SPAG16: variants seen among roughly 807,000 people sequenced by gnomAD.
SPAG16 encodes sperm associated antigen 16, also known as sperm-associated antigen 16 protein.
Under a neutral mutation model 80.4 loss-of-function variants are expected in SPAG16, and 86 were observed. That is an observed-to-expected ratio of 1.07 (90% confidence interval 0.90 to 1.28). SPAG16 has a LOEUF of 1.28. Ranked by LOEUF, SPAG16 falls within the 50% of genes most tolerant of loss-of-function variation. The pLI, the probability that SPAG16 is intolerant of heterozygous loss-of-function variation, is 0.00. For missense variants in SPAG16, 870 were observed against 765.3 expected (o/e 1.14, Z -1.61); for synonymous variants, 294 against 265.9 (o/e 1.11, Z -1.03).
chr2:214,121,610 A>C (rs10932525), intron 14 of SPAG16, among the ~76,000 whole-genome samples: 1 of 151,682 alleles, frequency 6.6e-6, no homozygotes, highest in Non-Finnish European at 1.5e-5. Context: ...TAGTAACTAG[A>C]AGATGGTACT....
intron 10 of SPAG16, among the ~76,000 whole-genome samples, chr2:213,543,317 TA>T (rs2076515064): frequency 6.6e-6 from 1 of 152,064 alleles, no homozygotes; most frequent in African/African-American, 2.4e-5. Context: ...TTGGGTTTTT[TA>T]AATTTTATAT....
chr2:213,950,566 T>C (rs1477766513), intron 12 of SPAG16, among the ~76,000 whole-genome samples: 1 of 152,154 alleles, frequency 6.6e-6, no homozygotes, highest in Admixed American at 6.5e-5. Flanking sequence ...GCCTTTGTAC[T>C]TTAAGATTAT....
intron 10 of SPAG16, among the ~76,000 whole-genome samples, chr2:213,655,273 T>A (rs2063178792): frequency 6.6e-6 from 1 of 152,202 alleles, no homozygotes; most frequent in Admixed American, 6.5e-5. Context: ...CGTTTTTCTG[T>A]GAACCCAGAG....
intron 15 of SPAG16, among the ~76,000 whole-genome samples, chr2:214,373,795 A>G (rs1193250906): frequency 1.3e-5 from 2 of 152,124 alleles, no homozygotes; most frequent in Non-Finnish European, 2.9e-5. Flanking sequence ...GAAACAGAAG[A>G]TTTTTCAGAT....
rs2051348261 is a variant in SPAG16, at chr2:214,080,811, G to A, written c.1528-27385G>A. On this transcript the variant is annotated intron_variant, in intron 13 of 15. Coordinates refer to ENST00000331683, the MANE Select transcript of SPAG16 (RefSeq NM_024532.5). ...TAACCTTTACTTAACACCTGTTTTT[G>A]TAATTGCAAGTTTCTTTAACCAGAA... Among the ~76,000 whole-genome samples the A allele has an allele frequency of 2.0e-5, 3 of 151,998 alleles. No homozygotes were observed. In the South Asian group the frequency reaches 6.2e-4, roughly 32 times the overall value.
intron 9 of SPAG16, among the ~76,000 whole-genome samples, chr2:213,462,273 C>G (rs1197434602): frequency 6.6e-6 from 1 of 152,188 alleles, no homozygotes; most frequent in East Asian, 1.9e-4. Context: ...CATAACTATG[C>G]AGACAGTATA....
intron 15 of SPAG16, among the ~76,000 whole-genome samples, chr2:214,318,606 C>T (rs1396162825): frequency 2.0e-5 from 3 of 151,864 alleles, no homozygotes; most frequent in African/African-American, 7.3e-5. Context: ...GAACTCCTGG[C>T]CTCAAGTGAT....
intron 10 of SPAG16, among the ~76,000 whole-genome samples, chr2:213,765,604 T>C (rs1009178143): frequency 6.6e-6 from 1 of 151,988 alleles, no homozygotes; most frequent in Admixed American, 6.6e-5. Context: ...CGTGTGTGTG[T>C]GTGTGTGTGT....
intron 10 of SPAG16, among the ~76,000 whole-genome samples, chr2:213,498,200 A>G (rs903142898): frequency 2.6e-5 from 4 of 152,184 alleles, no homozygotes; most frequent in Non-Finnish European, 4.4e-5. Flanking sequence ...TGAAGCACCC[A>G]TCAAGTAATG....
chr2:213,975,787 C>T (rs1304664591), intron 12 of SPAG16, among the ~76,000 whole-genome samples: 25 of 151,884 alleles, frequency 1.6e-4, no homozygotes, highest in Admixed American at 1.6e-3. Flanking sequence ...CTGTGTTTAT[C>T]AATTGCTTTA....
intron 14 of SPAG16, among the ~76,000 whole-genome samples, chr2:214,138,285 G>A (rs546446006): frequency 2.0e-5 from 3 of 152,230 alleles, no homozygotes; most frequent in African/African-American, 7.2e-5. Context: ...AGATACATGA[G>A]AGGTGGAAAG....
At chr2:213,881,730 C>A (rs1271771331) in intron 11 of SPAG16, among the ~76,000 whole-genome samples, 1 of 152,178 alleles carries the variant, frequency 6.6e-6, no homozygotes, top group Non-Finnish European at 1.5e-5. Flanking sequence ...CCCCATGATT[C>A]AATTATCTCC....
intron 15 of SPAG16, among the ~76,000 whole-genome samples, chr2:214,370,708 T>G (rs1390389989): frequency 6.6e-6 from 1 of 152,190 alleles, no homozygotes; most frequent in Admixed American, 6.5e-5. Context: ...GAGAGCAGAA[T>G]GGTAGCTACC....
At chr2:214,172,167 C>T (rs918051031) in intron 15 of SPAG16, among the ~76,000 whole-genome samples, 7 of 151,604 alleles carry the variant, frequency 4.6e-5, no homozygotes, top group Non-Finnish European at 1.0e-4. Flanking sequence ...CATATGTATA[C>T]ATGTGCCATG....
intron 11 of SPAG16, among the ~76,000 whole-genome samples, chr2:213,929,002 T>TTTC (rs1424463466): frequency 4.1e-4 from 1 of 2,450 alleles, no homozygotes; most frequent in African/African-American, 7.3e-4. Flanking sequence ...TTTCTTTTCT[T>TTTC]TTTTTTTTTT....
intron 15 of SPAG16, among the ~76,000 whole-genome samples, chr2:214,156,193 A>AT (rs1373910483): frequency 6.6e-6 from 1 of 152,164 alleles, no homozygotes; most frequent in Non-Finnish European, 1.5e-5. Context: ...CCCTAGTATT[A>AT]TCTTCCAGGT....
At chr2:214,162,163 C>G (rs555854605) in intron 15 of SPAG16, among the ~76,000 whole-genome samples, 1 of 152,230 alleles carries the variant, frequency 6.6e-6, no homozygotes, top group African/African-American at 2.4e-5. Context: ...CAGTTCAAGG[C>G]TGACTTGCTT....
At chr2:214,295,801 A>T (rs1694091807) in intron 15 of SPAG16, among the ~76,000 whole-genome samples, 1 of 152,082 alleles carries the variant, frequency 6.6e-6, no homozygotes, top group Admixed American at 6.5e-5. Context: ...AAAAAAAGGG[A>T]AAAGAAGGGA....
chr2:213,478,119 C>CA (rs2073526381), intron 9 of SPAG16, among the ~76,000 whole-genome samples: 1 of 152,108 alleles, frequency 6.6e-6, no homozygotes. Context: ...TTCTGTCTGC[C>CA]ATGATAGTAA....
Sources: gnomAD v4.1 joint callset for allele counts (sites outside exome capture counted in the v4.1 genomes callset) on GRCh38, gnomAD v4.1.1 for gene constraint, MANE v1.5 for transcripts, NCBI Gene and HGNC (gene_info 2026-07-23, HGNC 2026-07-21) for gene names.